Variants in DPY19L2 observed in about 807,000 individuals in gnomAD.
The protein encoded by DPY19L2 is probable C-mannosyltransferase DPY19L2.
A neutral mutation model predicts 97.9 loss-of-function variants in DPY19L2; 34 were observed. That is an observed-to-expected ratio of 0.35 (90% CI 0.26 to 0.46). The LOEUF (loss-of-function observed/expected upper bound fraction) is 0.46. DPY19L2 is among the 20% of genes least tolerant of loss of function. DPY19L2 has a pLI of 1.00. For synonymous variants in DPY19L2, 230 were observed against 307.9 expected (o/e 0.75, Z 2.65); for missense variants, 623 against 911.4 (o/e 0.68, Z 4.07).
At chr12:63,590,283 C>G (rs536837430) in intron 16 of DPY19L2, among the ~76,000 whole-genome samples, 11 of 152,196 alleles carry the variant, frequency 7.2e-5, no homozygotes, top group African/African-American at 2.2e-4. Flanking sequence ...AAATTAAAAG[C>G]TTGATAACGA....
intron 6 of DPY19L2, among the ~76,000 whole-genome samples, chr12:63,634,054 G>C (rs1891197975): frequency 6.6e-6 from 1 of 151,096 alleles, no homozygotes; most frequent in Admixed American, 6.6e-5. Flanking sequence ...CACACACCGG[G>C]GCCTATTGTA....
intron 7 of DPY19L2, among the ~76,000 whole-genome samples, chr12:63,624,725 T>C (rs181890647): frequency 2.4e-4 from 37 of 152,310 alleles, no homozygotes; most frequent in African/African-American, 8.7e-4. Context: ...GTATTAAATT[T>C]TCATACGAAC....
intron 19 of DPY19L2, among the ~76,000 whole-genome samples, chr12:63,577,002 A>G (rs1373178289): frequency 1.3e-5 from 2 of 152,068 alleles, no homozygotes; most frequent in Non-Finnish European, 2.9e-5. Context: ...GAAGAACAAA[A>G]CTGAAGGAAT....
intron 10 of DPY19L2, among the ~76,000 whole-genome samples, chr12:63,617,695 C>A (rs1376810457): frequency 6.6e-6 from 1 of 151,764 alleles, no homozygotes; most frequent in Non-Finnish European, 1.5e-5. Flanking sequence ...TTATAAATAC[C>A]AGTTTTACTA....
intron 9 of DPY19L2, among the ~76,000 whole-genome samples, chr12:63,618,961 A>G (rs1342756760): frequency 2.0e-5 from 3 of 152,136 alleles, no homozygotes; most frequent in Admixed American, 1.3e-4. Flanking sequence ...TTGGTCACAT[A>G]CAGTCTCTTG....
intron 17 of DPY19L2, among the ~76,000 whole-genome samples, chr12:63,583,186 T>C (rs1281163180): frequency 1.3e-5 from 2 of 152,142 alleles, no homozygotes; most frequent in Non-Finnish European, 2.9e-5. Context: ...ATACTCAACA[T>C]GTGTCATAAA....
intron 6 of DPY19L2, among the ~76,000 whole-genome samples, chr12:63,629,414 C>T (rs1397635536): frequency 2.0e-5 from 3 of 151,984 alleles, no homozygotes; most frequent in Non-Finnish European, 2.9e-5. Flanking sequence ...AACTACATGA[C>T]GAATGCACAA....
intron 13 of DPY19L2, 152 bp from the exon 14 acceptor site, chr12:63,598,062 T>C (rs144864719): frequency 0.014 from 6,776 of 473,618 alleles, 76 homozygotes; most frequent in Middle Eastern, 0.02. Flanking sequence ...AAAACTACAG[T>C]GAACCAAATA....
chr12:63,644,105 A>G (rs1893068332), intron 6 of DPY19L2, among the ~76,000 whole-genome samples: 3 of 152,132 alleles, frequency 2.0e-5, no homozygotes, highest in Non-Finnish European at 4.4e-5. Context: ...TGCTAACCAA[A>G]GATCTCCTCC....
intron 2 of DPY19L2, among the ~76,000 whole-genome samples, chr12:63,665,301 G>C (rs1193942767): frequency 6.6e-6 from 1 of 151,900 alleles, no homozygotes; most frequent in Non-Finnish European, 1.5e-5. Flanking sequence ...GTGAAACCTC[G>C]TCTCCACCAA....
chr12:63,641,344 C>T (rs926158887), intron 6 of DPY19L2, among the ~76,000 whole-genome samples: 2 of 151,966 alleles, frequency 1.3e-5, no homozygotes, highest in Admixed American at 1.3e-4. Flanking sequence ...ACATTTCTAG[C>T]TCATAGATCT....
chr12:63,624,100 C>T lies in DPY19L2; in HGVS notation c.893G>A (p.Arg298His), dbSNP rs752764341. ...AAGGAAAGGATAGGAAAAACTTTCA[C>T]GGAGAGGTGGTGTCCACATCACACG... The part of the protein sequence containing the change: ...ATRVMWTPPL[R>H]ESFSYPFLVL... The change falls in exon 8 of 22, where the codon CGT becomes CAT. Residue 298 changes from arginine (R) to histidine (H), a missense_variant. By Grantham distance (29) the Arg-to-His change is conservative. Transcript: ENST00000324472. 12 of 1,611,570 alleles carry T rather than the reference C, an allele frequency of 7.4e-6. No individual in the cohort carries two copies. Among genetic ancestry groups the T allele is most frequent in the South Asian group, 2.2e-5 (2 of 90,978 alleles).
chr12:63,569,577 C>A (rs539128021), intron 20 of DPY19L2: 5 of 322,004 alleles, frequency 1.6e-5, no homozygotes, highest in Admixed American at 4.6e-5. Flanking sequence ...CTGCTCATTA[C>A]TGTATAAGAT....
In DPY19L2 at chr12:63,668,371, G is replaced by A; in HGVS notation, c.23C>T (p.Ser8Leu). The A allele has an allele frequency of 1.9e-6, 3 of 1,612,954 alleles. No homozygotes were observed. The highest frequency in any genetic ancestry group is 2.5e-6 in the Non-Finnish European group (3 of 1,179,704). The change falls in exon 1 of 22, where the codon TCA becomes TTA. Residue 8 changes from serine to leucine, a missense_variant. Ser to Leu is a moderately radical substitution (Grantham distance 145, BLOSUM62 -2). Transcript: ENST00000324472. Reference sequence around the variant, plus strand: ...GCGGCCGGAAGATTGCAGCCGCTTTGAGCTTACTCCTTGTTTTCTCATAAT... The same window carrying A: ...GCGGCCGGAAGATTGCAGCCGCTTTAAGCTTACTCCTTGTTTTCTCATAAT... Reference protein sequence around the residue: MRKQGVSSKRLQSSGRSQ... With the variant: MRKQGVSLKRLQSSGRSQ...
At chr12:63,575,056 C>CA (rs931205324) in intron 19 of DPY19L2, among the ~76,000 whole-genome samples, 3 of 151,766 alleles carry the variant, frequency 2.0e-5, no homozygotes, top group Non-Finnish European at 4.4e-5. Context: ...GACCACAAAA[C>CA]AAGGATAGGC....
At chr12:63,607,789 T>C (rs1886307282) in intron 12 of DPY19L2, among the ~76,000 whole-genome samples, 1 of 152,094 alleles carries the variant, frequency 6.6e-6, no homozygotes, top group Non-Finnish European at 1.5e-5. Flanking sequence ...CATGCCACCA[T>C]GCCCAACTAG....
chr12:63,663,935 C>A, intron 2 of DPY19L2, 90 bp from the exon 3 acceptor site: 11 of 834,230 alleles, frequency 1.3e-5, no homozygotes, highest in South Asian at 3.5e-5. Flanking sequence ...AAAAAGAAAA[C>A]AATAAATTGT....
intron 6 of DPY19L2, among the ~76,000 whole-genome samples, chr12:63,632,503 T>G (rs568768240): frequency 6.6e-6 from 1 of 152,202 alleles, no homozygotes; most frequent in East Asian, 1.9e-4. Context: ...GAATCCAACT[T>G]ACAAGGGATG....
chr12:63,559,870 T>C lies in DPY19L2; in HGVS notation c.*642A>G, dbSNP rs1327117336. 2 of 152,092 alleles carry C rather than the reference T, an allele frequency of 1.3e-5. No homozygotes were observed. The highest frequency in any genetic ancestry group is 2.9e-5 in the Non-Finnish European group (2 of 67,994). 9.4% of individuals were successfully genotyped at this position (152,092 alleles called of 1,614,324 possible). A position where few individuals can be genotyped will look rare whatever the true frequency, so the allele number is the denominator to read the frequency against. ...ATGGAGAACTAACCAGTGGCAAATA[T>C]GTATCTAGTGGGGTAAACACATCTC... On this transcript the variant is annotated 3_prime_UTR_variant, in exon 22 of 22. Transcript: ENST00000324472.
Sources: allele counts gnomAD v4.1 joint callset (sites outside exome capture counted in the v4.1 genomes callset), GRCh38; gene constraint gnomAD v4.1.1; transcripts MANE v1.5; gene names NCBI Gene and HGNC (gene_info 2026-07-23, HGNC 2026-07-21).